The following ATP10D variants were observed in gnomAD, a reference collection of about 807,000 sequenced individuals.
ATP10D encodes the protein phospholipid-transporting ATPase VD.
Under a neutral mutation model 144.8 loss-of-function variants are expected in ATP10D, and 89 were observed. That is an observed-to-expected ratio of 0.61 (90% CI 0.52 to 0.73). ATP10D has a LOEUF of 0.73. Among genes scored for constraint, ATP10D ranks in the 30% least tolerant of loss-of-function variants. ATP10D has a pLI of 0.00. For synonymous variants in ATP10D, 571 were observed against 615.1 expected (o/e 0.93, Z 1.06); for missense variants, 1,603 against 1,714.8 (o/e 0.93, Z 1.15).
At chr4:47,562,307 A>G (rs1210840358) in intron 14 of ATP10D, among the ~76,000 whole-genome samples, 2 of 152,224 alleles carry the variant, frequency 1.3e-5, no homozygotes, top group African/African-American at 4.8e-5. Context: ...CTGTAGACCC[A>G]TGAAAGAACA....
At chr4:47,496,395 G>A (rs1035337443) in intron 1 of ATP10D, among the ~76,000 whole-genome samples, 19 of 151,830 alleles carry the variant, frequency 1.3e-4, no homozygotes, top group African/African-American at 3.9e-4. Flanking sequence ...GACCTCAGGT[G>A]ATCTGCCTGC....
chr4:47,522,180 C>A (rs1195685580), intron 3 of ATP10D, among the ~76,000 whole-genome samples: 1 of 152,124 alleles, frequency 6.6e-6, no homozygotes, highest in Non-Finnish European at 1.5e-5. Flanking sequence ...TTCTACTATA[C>A]AAATGTCCTC....
Position 47,558,210 on chromosome 4 carries a change from G to A in ATP10D, c.2371G>A (p.Val791Ile). Residue 791 changes from valine (V) to isoleucine (I), a missense_variant, in exon 12 of 23, where the codon GTT becomes ATT. Physicochemically the swap from Val to Ile is conservative, Grantham distance 29. Coordinates refer to ENST00000273859, the MANE Select transcript of ATP10D (RefSeq NM_020453.4). ...GGTCCGACACCCTCTTTCCAATCAA[G>A]TTGTGGTGTATACGAAAGGCGCTGA... ...VVVRHPLSNQ[V>I]VVYTKGADSV... 1 of 1,614,216 alleles carries A rather than the reference G, an allele frequency of 6.2e-7. No homozygotes were observed. Among genetic ancestry groups the A allele is most frequent in the Non-Finnish European group, 8.5e-7 (1 of 1,180,046 alleles).
intron 5 of ATP10D, among the ~76,000 whole-genome samples, chr4:47,526,222 C>T (rs1717237173): frequency 6.6e-6 from 1 of 152,158 alleles, no homozygotes; most frequent in African/African-American, 2.4e-5. Context: ...CCCAGTGGGA[C>T]TTATTCCCCA....
intron 5 of ATP10D, among the ~76,000 whole-genome samples, chr4:47,534,498 G>C (rs748370212): frequency 1.3e-5 from 2 of 152,154 alleles, no homozygotes; most frequent in Non-Finnish European, 2.9e-5. Context: ...TTAAGCGCCT[G>C]TAGGGCCATG....
intron 3 of ATP10D, among the ~76,000 whole-genome samples, chr4:47,520,957 A>T (rs2109408196): frequency 6.6e-6 from 1 of 152,236 alleles, no homozygotes; most frequent in South Asian, 2.1e-4. Flanking sequence ...AACTTTCTCC[A>T]AGGCCACCAG....
intron 1 of ATP10D, among the ~76,000 whole-genome samples, chr4:47,493,234 T>C (rs1715177315): frequency 6.6e-6 from 1 of 152,198 alleles, no homozygotes; most frequent in Non-Finnish European, 1.5e-5. Context: ...ATGGGAAAGA[T>C]TAGCTGCATA....
intron 3 of ATP10D, among the ~76,000 whole-genome samples, chr4:47,516,094 G>T (rs1215898373): frequency 1.3e-5 from 2 of 152,254 alleles, no homozygotes; most frequent in South Asian, 2.1e-4. Context: ...GCCGGACGTG[G>T]TGGCAGGTGC....
intron 9 of ATP10D, among the ~76,000 whole-genome samples, chr4:47,540,660 C>T (rs891229911): frequency 6.6e-6 from 1 of 152,158 alleles, no homozygotes; most frequent in Non-Finnish European, 1.5e-5. Flanking sequence ...TTGCATTAGT[C>T]ATATGATATA....
chr4:47,568,937 C>T lies in ATP10D; in HGVS notation c.2954C>T (p.Pro985Leu), dbSNP rs1198762320. The change falls in exon 16 of 23, where the codon CCT becomes CTT. Residue 985 changes from proline to leucine, a missense_variant. Transcript: ENST00000273859. ...QVSLSEDLLQ[P>L]PVPRDSGLRA... ...TCATTAAGTGAAGATTTACTTCAGC[C>T]TCCTGTCCCCCGGGACTCAGGGTTA... 2 of 1,614,134 alleles carry T rather than the reference C, an allele frequency of 1.2e-6. No individual in the cohort carries two copies. Among genetic ancestry groups the T allele is most frequent in the South Asian group, 2.2e-5 (2 of 91,084 alleles).
At chr4:47,518,520 T>A (rs1716795231) in intron 3 of ATP10D, among the ~76,000 whole-genome samples, 1 of 152,000 alleles carries the variant, frequency 6.6e-6, no homozygotes. Flanking sequence ...CTGAGAGACT[T>A]AGAGGATTTA....
intron 1 of ATP10D, among the ~76,000 whole-genome samples, chr4:47,487,053 A>G (rs1468293658): frequency 6.6e-6 from 1 of 152,104 alleles, no homozygotes; most frequent in Admixed American, 6.5e-5. Context: ...CAACATGGCG[A>G]AACCCGTCTC....
chr4:47,547,089 T>A, intron 10 of ATP10D: 1 of 500,724 alleles, frequency 2.0e-6, no homozygotes, highest in Non-Finnish European at 3.5e-6. Context: ...ATACCATTTC[T>A]GAAAAAAAAA....
chr4:47,495,788 A>G (rs1715328966), intron 1 of ATP10D, among the ~76,000 whole-genome samples: 1 of 148,234 alleles, frequency 6.7e-6, no homozygotes, highest in Admixed American at 6.8e-5. Flanking sequence ...CTCAGGCTGG[A>G]GTGCAATGGT....
chr4:47,549,999 G>A (rs1218455683), intron 10 of ATP10D, among the ~76,000 whole-genome samples: 3 of 151,626 alleles, frequency 2.0e-5, no homozygotes, highest in Admixed American at 2.0e-4. Context: ...TCAGTGGGGA[G>A]GGGGTGGTGG....
chr4:47,518,025 G>A (rs1042050565), intron 3 of ATP10D, among the ~76,000 whole-genome samples: 8 of 151,952 alleles, frequency 5.3e-5, no homozygotes, highest in Admixed American at 2.6e-4. Context: ...ATCATTTCTG[G>A]AACAATTATT....
chr4:47,561,352 A>G (rs970588216), intron 14 of ATP10D, among the ~76,000 whole-genome samples: 7 of 152,224 alleles, frequency 4.6e-5, no homozygotes, highest in African/African-American at 1.4e-4. Context: ...AAATGTTCCA[A>G]TAAATATCTT....
In ATP10D at chr4:47,581,993, T is replaced by C. The variant is rs1560458023; in HGVS notation, c.3682T>C (p.Phe1228Leu). The change falls in exon 21 of 23, where the codon TTT (phenylalanine) becomes CTT (leucine). Residue 1228 changes from phenylalanine (F) to leucine (L), a missense_variant. Transcript: ENST00000273859. ...YQGSDTDIFA[F>L]GNPLNTAALF... ...GGGCTCAGATACTGACATCTTTGCA[T>C]TTGGAAACCCCCTGAACACAGCCGC... 6.2e-7 allele frequency: 1 copy of C among 1,614,056 alleles called. No homozygotes were observed. The highest frequency in any genetic ancestry group is 8.5e-7 in the Non-Finnish European group (1 of 1,179,960).
At chr4:47,512,477 G>A (rs1464910600) in intron 1 of ATP10D, 27 bp from the exon 2 acceptor site, 1 of 1,427,340 alleles carries the variant, frequency 7.0e-7, no homozygotes, top group South Asian at 1.3e-5. Context: ...GAAGCTCATG[G>A]AAGTGTGGTT....
Sources: gnomAD v4.1 joint callset for allele counts (sites outside exome capture counted in the v4.1 genomes callset) on GRCh38, gnomAD v4.1.1 for gene constraint, MANE v1.5 for transcripts, NCBI Gene and HGNC (gene_info 2026-07-23, HGNC 2026-07-21) for gene names.